BACE1: variants seen among roughly 807,000 people sequenced by gnomAD.
The protein encoded by BACE1 is APP beta-secretase.
Under a neutral mutation model 54.0 loss-of-function variants are expected in BACE1, and 21 were observed. The observed-to-expected ratio is 0.39, with a 90% CI of 0.28 to 0.56. The LOEUF (loss-of-function observed/expected upper bound fraction) is 0.56. BACE1 is among the 20% of genes least tolerant of loss of function. The probability of loss-of-function intolerance (pLI) is 0.63; values close to 1 mark genes in which losing one functional copy is unlikely to be tolerated. For missense variants in BACE1, 511 were observed against 661.2 expected (o/e 0.77, Z 2.49); for synonymous variants, 232 against 260.9 (o/e 0.89, Z 1.07).
At position 117,296,901 on chromosome 11, in the gene BACE1, A is replaced by G; in HGVS notation, c.322T>C (p.Phe108Leu). The G allele has an allele frequency of 6.2e-7, 1 of 1,613,658 alleles. No individual in the cohort carries two copies. Among genetic ancestry groups the G allele is most frequent in the Non-Finnish European group, 8.5e-7 (1 of 1,179,814 alleles). ...NFAVGAAPHPFLHRYYQRQLS... is the reference protein window; with the variant it reads ...NFAVGAAPHPLLHRYYQRQLS... Reference sequence around the variant, plus strand: ...TGCCTCTGGTAGTAGCGATGCAGGAAGGGGTGGGGGGCAGCACCCACTGCA... The same window carrying G: ...TGCCTCTGGTAGTAGCGATGCAGGAGGGGGTGGGGGGCAGCACCCACTGCA... The change falls in exon 2 of 9, where the codon TTC becomes CTC. Residue 108 changes from phenylalanine to leucine, a missense_variant. This residue lies in a region of BACE1 where 407 missense variants were observed against 565.7 expected (regional missense o/e 0.72). Transcript: ENST00000313005.
At chr11:117,295,783 G>A in intron 2 of BACE1, 2 of 1,258,290 alleles carry the variant, frequency 1.6e-6, no homozygotes, top group Non-Finnish European at 2.1e-6. Flanking sequence ...AAAGTGCCAG[G>A]CAGGGTGAAT....
chr11:117,292,223 C>T (rs1359390368), intron 5 of BACE1: 1 of 112,264 alleles, frequency 8.9e-6, no homozygotes, highest in Non-Finnish European at 1.6e-5. Context: ...GGAGTATTAG[C>T]TCTGTCACCC....
intron 1 of BACE1, among the ~76,000 whole-genome samples, chr11:117,306,584 G>A (rs887326788): frequency 6.6e-6 from 1 of 152,100 alleles, no homozygotes; most frequent in Non-Finnish European, 1.5e-5. Flanking sequence ...GAGGTGGGCG[G>A]ATCACTTGAG....
intron 2 of BACE1, among the ~76,000 whole-genome samples, chr11:117,296,662 A>G (rs2034607845): frequency 6.6e-6 from 1 of 151,552 alleles, no homozygotes; most frequent in South Asian, 2.1e-4. Context: ...CTTCCTGGCT[A>G]CCTCTCAATT....
chr11:117,308,149 C>T (rs889672854), intron 1 of BACE1, among the ~76,000 whole-genome samples: 4 of 152,042 alleles, frequency 2.6e-5, no homozygotes, highest in Non-Finnish European at 5.9e-5. Flanking sequence ...TTTACAGAAC[C>T]CTGCCAAGCA....
rs141856583 is a variant in BACE1 at position 117,306,028 on chromosome 11, T to G, written c.262-9067A>C. On this transcript the variant is annotated intron_variant, in intron 1 of 8. Transcript: ENST00000313005. ...TCCAGCCTGGGCGACAGAGTGAGAC[T>G]CCGTCTCAAAAATAAATAAATAAAT... is the stretch of plus-strand genomic sequence containing the variant. 4.3e-3 allele frequency among the ~76,000 whole-genome samples: 661 copies of G among 152,016 alleles called. 18 individuals are homozygous for G. The highest frequency in any genetic ancestry group is 0.041 in the Admixed American group (632 of 15,266).
In BACE1 at chr11:117,295,247, C is replaced by G; in HGVS notation, c.451G>C (p.Gly151Arg). ...TTGGCACGCACAGTGACGTTGGGGC[C>G]ATGGGGGATGCTTACCAGGTCGGTG... Reference protein sequence around the residue: ...LGTDLVSIPHGPNVTVRANIA... With the variant: ...LGTDLVSIPHRPNVTVRANIA... Residue 151 changes from glycine (G) to arginine (R), a missense_variant, in exon 3 of 9, where the codon GGC (glycine) becomes CGC (arginine). Transcript: ENST00000313005. 6.2e-7 allele frequency: 1 copy of G among 1,614,192 alleles called. No homozygotes were observed.
chr11:117,295,484 A>G (rs2034574937), intron 2 of BACE1, 137 bp from the exon 3 acceptor site: 5 of 1,537,076 alleles, frequency 3.3e-6, no homozygotes, highest in East Asian at 2.4e-5. Flanking sequence ...TCAGCAAAAC[A>G]TCCCTAGACT....
intron 1 of BACE1, chr11:117,297,180 G>T: frequency 2.0e-6 from 1 of 510,936 alleles, no homozygotes; most frequent in South Asian, 2.9e-5. Flanking sequence ...CACTTCCCCT[G>T]TGCCCTCTGC....
rs147911099 is a variant in BACE1 at position 117,294,793 on chromosome 11, G to A, written c.567+338C>T. 5.4e-4 allele frequency among the ~76,000 whole-genome samples: 82 copies of A among 151,710 alleles called. 1 individual carries two copies. In the East Asian group the frequency reaches 0.016, roughly 30 times the overall value. On this transcript the variant is annotated intron_variant, in intron 3 of 8. Transcript: ENST00000313005. ...CCAGCTACTCGGGAGGCTGAGGCAG[G>A]AAAATCGCTTGAACCGAGGAGGTGG...
intron 1 of BACE1, among the ~76,000 whole-genome samples, chr11:117,310,571 C>T (rs1266997689): frequency 6.6e-6 from 1 of 152,018 alleles, no homozygotes; most frequent in Non-Finnish European, 1.5e-5. Flanking sequence ...CAAGCGCCTG[C>T]CACCACGCCT....
At chr11:117,312,271 C>T (rs192995208) in intron 1 of BACE1, among the ~76,000 whole-genome samples, 46 of 152,270 alleles carry the variant, frequency 3.0e-4, no homozygotes, top group African/African-American at 8.2e-4. Context: ...CATGGACATA[C>T]GTGTAACGTG....
Position 117,286,644 on chromosome 11 carries a change from T to A in BACE1, c.*2922A>T, listed in dbSNP as rs1033141652. 3.3e-5 allele frequency: 5 copies of A among 152,768 alleles called. No individual in the cohort carries two copies. The highest frequency in any genetic ancestry group is 5.9e-5 in the Non-Finnish European group (4 of 68,122). The allele number at this position is 152,768 out of a possible 1,614,324, so 9.5% of individuals were successfully genotyped here. A position where few individuals can be genotyped will look rare whatever the true frequency, so the allele number is the denominator to read the frequency against. On this transcript the variant is annotated 3_prime_UTR_variant, in exon 9 of 9. Transcript: ENST00000313005. ...TGCCTTTGATACTCTTTTCCTTCTT[T>A]GTCTTTCATCCTTGCCTATCACCTC...
chr11:117,290,810 T>C, intron 7 of BACE1, 90 bp downstream of exon 7: 1 of 1,561,956 alleles, frequency 6.4e-7, no homozygotes, highest in South Asian at 1.2e-5. Context: ...TCATCTGTTT[T>C]GTCTTCCAAG....
intron 2 of BACE1, 71 bp from the exon 3 acceptor site, chr11:117,295,418 C>T: frequency 3.2e-6 from 5 of 1,569,524 alleles, no homozygotes; most frequent in Non-Finnish European, 4.3e-6. Context: ...TAAACTTACT[C>T]CCAAACACCA....
At position 117,315,846 on chromosome 11, in the gene BACE1, C is replaced by T. The variant is rs2035103631; in HGVS notation, c.-51G>A. ...TGGGCTCGCACTGGCCCACGTCCGT[C>T]CCTGGCGCCTGCCCCCAAGTCTGGG... On this transcript the variant is annotated 5_prime_UTR_variant, in exon 1 of 9. Transcript: ENST00000313005. The surrounding 1 kb of genome is among the most constrained non-coding windows in gnomAD (Gnocchi z 5.5). 7.3e-7 allele frequency: 1 copy of T among 1,369,012 alleles called. No homozygotes were observed. Among genetic ancestry groups the T allele is most frequent in the Admixed American group, 4.0e-5 (1 of 24,954 alleles). 84.8% of individuals were successfully genotyped at this position (1,369,012 alleles called of 1,614,324 possible). A position where few individuals can be genotyped will look rare whatever the true frequency, so the allele number is the denominator to read the frequency against.
In BACE1 at chr11:117,293,147, G is replaced by C; in HGVS notation, c.747C>G (p.Leu249=). 6.2e-7 allele frequency: 1 copy of C among 1,614,050 alleles called. No individual in the cohort carries two copies. Among genetic ancestry groups the C allele is most frequent in the Non-Finnish European group, 8.5e-7 (1 of 1,179,996 alleles). The change falls in exon 5 of 9, where the codon CTC becomes CTG. Residue 249 remains leucine, a synonymous_variant. Coordinates refer to ENST00000313005, the MANE Select transcript of BACE1 (RefSeq NM_012104.6). The surrounding 1 kb of genome is among the most constrained non-coding windows in gnomAD (Gnocchi z 4.1). ...ACTCCCGCCGGATGGGTGTATACCA[G>C]AGACTGCCTGTGTACAGCGAGTGGT... is the stretch of plus-strand genomic sequence containing the variant. ...GIDHSLYTGS[L]WYTPIRREWY...
chr11:117,302,025 T>C (rs1236758577), intron 1 of BACE1, among the ~76,000 whole-genome samples: 2 of 152,224 alleles, frequency 1.3e-5, no homozygotes, highest in Non-Finnish European at 2.9e-5. Flanking sequence ...GTAAACAGTT[T>C]TCCTTTGCTA....
intron 2 of BACE1, among the ~76,000 whole-genome samples, chr11:117,296,524 G>A (rs573066897): frequency 2.6e-5 from 4 of 152,272 alleles, no homozygotes; most frequent in East Asian, 1.9e-4. Context: ...GAGAGACACC[G>A]AGGGGATGTG....
Sources: allele counts gnomAD v4.1 joint callset (sites outside exome capture counted in the v4.1 genomes callset), GRCh38; gene constraint gnomAD v4.1.1; regional missense constraint gnomAD v4.1.1; non-coding constraint Gnocchi (gnomAD v3.1); transcripts MANE v1.5; gene names NCBI Gene and HGNC (gene_info 2026-07-23, HGNC 2026-07-21).